ZFX: variants seen among roughly 807,000 people sequenced by gnomAD.
ZFX encodes the protein zinc finger X-chromosomal protein.
For missense variants in ZFX, 362 were observed against 628.3 expected (o/e 0.58, Z 4.53); for synonymous variants, 196 against 226.8 (o/e 0.86, Z 1.22).
chrX:24,207,242 AAAAT>A, intron 5 of ZFX, 80 bp from the exon 6 acceptor site: 1 of 958,391 alleles, frequency 1.0e-6, no homozygotes, highest in Non-Finnish European at 1.4e-6. Context: ...CTCAAAAAAA[AAAAT>A]TTTTTTTTTT....
chrX:24,171,674 G>C (rs186511528), intron 3 of ZFX, among the ~76,000 whole-genome samples: 1 of 111,379 alleles, frequency 9.0e-6, no homozygotes, highest in East Asian at 2.8e-4. Context: ...CTTTTTGTCA[G>C]AAGTTTTTGG....
intron 5 of ZFX, among the ~76,000 whole-genome samples, chrX:24,204,943 A>G (rs1020598840): frequency 8.9e-6 from 1 of 112,353 alleles, no homozygotes; most frequent in African/African-American, 3.2e-5. Flanking sequence ...CCACTTTGCC[A>G]TAAGACTGTA....
At chrX:24,195,363 T>A (rs1936840030) in intron 5 of ZFX, among the ~76,000 whole-genome samples, 1 of 107,283 alleles carries the variant, frequency 9.3e-6, no homozygotes, top group African/African-American at 3.4e-5. Context: ...CAATTTTTTT[T>A]TTTTTTTGAG....
chrX:24,151,516 T>A (rs1462464451), intron 1 of ZFX, 175 bp from the exon 2 acceptor site: 1 of 111,156 alleles, frequency 9.0e-6, no homozygotes, highest in Non-Finnish European at 1.9e-5. Flanking sequence ...GTGGATGGTA[T>A]AGGTAGGGGA....
At chrX:24,192,526 G>T (rs1485641020) in intron 5 of ZFX, among the ~76,000 whole-genome samples, 1 of 111,164 alleles carries the variant, frequency 9.0e-6, no homozygotes, top group Non-Finnish European at 1.9e-5. Context: ...CCTCTTGTTT[G>T]TGCCTCCTAG....
In ZFX at chrX:24,172,584, A is replaced by G. The variant is rs1271929569; in HGVS notation, c.-28-131A>G. The G allele has an allele frequency of 2.4e-5, 10 of 423,248 alleles. No individual in the cohort carries two copies. The East Asian group carries it at 3.4e-4, about 14-fold the overall frequency. The allele number at this position is 423,248 out of a possible 1,213,427, so 34.9% of individuals were successfully genotyped here. The stretch of plus-strand genomic sequence containing the variant: ...TCAAGTAAGTTCTATTTTACTTTAG[A>G]TAAGTAAGTTTTTGATACACATTTA... On this transcript the variant is annotated intron_variant, in intron 3 of 9. Coordinates refer to ENST00000304543, the MANE Select transcript of ZFX (RefSeq NM_003410.4).
rs943473548 is a variant in ZFX at position 24,208,240 on chromosome X, A to G, written c.963A>G (p.Glu321=). The G allele has an allele frequency of 8.3e-7, 1 of 1,212,019 alleles. No homozygotes were observed. Reference sequence around the variant, plus strand: ...TAGATGTTGCTGAAATCGCTGACGAAGTTTATATGGAAGTGATCGTAGGAG... The same window carrying G: ...TAGATGTTGCTGAAATCGCTGACGAGGTTTATATGGAAGTGATCGTAGGAG... The part of the protein sequence containing the change: ...EDLNVAEIAD[E]VYMEVIVGEE... Residue 321 remains glutamate, a synonymous_variant, in exon 8 of 10, where the codon GAA becomes GAG. Coordinates refer to ENST00000304543, the MANE Select transcript of ZFX (RefSeq NM_003410.4).
chrX:24,163,011 G>A (rs1048922281), intron 3 of ZFX, among the ~76,000 whole-genome samples: 12 of 111,266 alleles, frequency 1.1e-4, no homozygotes, highest in African/African-American at 2.3e-4. Context: ...ATGTTTTAGC[G>A]TGTATCCTAT....
chrX:24,175,489 C>A (rs1401278165), intron 4 of ZFX: 1 of 112,143 alleles, frequency 8.9e-6, no homozygotes, highest in Non-Finnish European at 1.9e-5. Context: ...GATGAGGAAA[C>A]TGAAACTCAG....
intron 5 of ZFX, among the ~76,000 whole-genome samples, chrX:24,198,950 CAGAA>C (rs1204855540): frequency 1.8e-5 from 2 of 111,198 alleles, no homozygotes; most frequent in Non-Finnish European, 3.8e-5. Context: ...AGCCATCAGA[CAGAA>C]AGAGATAACC....
rs1383663204 is a variant in ZFX at position 24,216,193 on chromosome X, G to C, written c.*4817G>C. On this transcript the variant is annotated 3_prime_UTR_variant, in exon 10 of 10. Coordinates refer to ENST00000304543, the MANE Select transcript of ZFX (RefSeq NM_003410.4). ...ACTTGTTTGAAGCTGGAGGTGATTC[G>C]ACTCCCTTCAGTGGTTCAACACTAA... The C allele has an allele frequency of 9.0e-6, 1 of 111,264 alleles. No individual in the cohort carries two copies. The highest frequency in any genetic ancestry group is 1.9e-5 in the Non-Finnish European group (1 of 53,046). The allele number at this position is 111,264 out of a possible 1,213,427, so 9.2% of individuals were successfully genotyped here.
intron 4 of ZFX, chrX:24,173,649 C>A: frequency 3.1e-6 from 3 of 968,435 alleles, no homozygotes; most frequent in Non-Finnish European, 4.3e-6. Flanking sequence ...ACAGTGGCGC[C>A]ATCTGGGTCC....
Position 24,207,359 on chromosome X carries a change from C to A in ZFX, c.680C>A (p.Ser227Tyr). The A allele has an allele frequency of 8.3e-7, 1 of 1,202,444 alleles. No homozygotes were observed. ...GCTGGCAAAATAGAACACGATGGTT[C>A]TTCTGGAATGACCATGGACACAGAG... ...DDAGKIEHDG[S>Y]SGMTMDTESE... Residue 227 changes from serine to tyrosine, a missense_variant, in exon 6 of 10, where the codon TCT becomes TAT. Ser to Tyr is a moderately radical substitution (Grantham distance 144). Transcript: ENST00000304543.
Position 24,176,652 on chromosome X carries a change from G to A in ZFX, c.59-2531G>A, listed in dbSNP as rs776970851. 7.3e-5 allele frequency among the ~76,000 whole-genome samples: 8 copies of A among 109,491 alleles called. No individual in the cohort carries two copies. The South Asian group carries it at 3.1e-3, about 43-fold the overall frequency. Reference sequence around the variant, plus strand: ...TCACAATGTTGGCCAGGCTGGTCTCGAACCCTTGACTTCAGGTAATCTGCC... The same window carrying A: ...TCACAATGTTGGCCAGGCTGGTCTCAAACCCTTGACTTCAGGTAATCTGCC... On this transcript the variant is annotated intron_variant, in intron 4 of 9. Transcript: ENST00000304543.
At chrX:24,162,462 TTCA>T (rs1370284029) in intron 3 of ZFX, among the ~76,000 whole-genome samples, 3 of 112,310 alleles carry the variant, frequency 2.7e-5, no homozygotes, top group African/African-American at 9.7e-5. Flanking sequence ...TATCTTCTAT[TTCA>T]TCATCTTACC....
At chrX:24,204,901 C>T (rs901602282) in intron 5 of ZFX, among the ~76,000 whole-genome samples, 7 of 112,161 alleles carry the variant, frequency 6.2e-5, no homozygotes, top group African/African-American at 1.6e-4. Flanking sequence ...ATTATTATTA[C>T]TACATTTAAA....
intron 3 of ZFX, among the ~76,000 whole-genome samples, chrX:24,157,822 G>A (rs759125222): frequency 2.7e-5 from 3 of 111,380 alleles, no homozygotes; most frequent in African/African-American, 6.5e-5. Context: ...GCAGTGGCAC[G>A]ATCTCAGCTC....
intron 3 of ZFX, chrX:24,161,979 T>C (rs1485834493): frequency 9.3e-6 from 1 of 107,809 alleles, no homozygotes; most frequent in Admixed American, 1.0e-4. Context: ...GGATTACAGG[T>C]GTGAGCCATT....
At chrX:24,187,670 C>T (rs1936234739) in intron 5 of ZFX, among the ~76,000 whole-genome samples, 1 of 111,324 alleles carries the variant, frequency 9.0e-6, no homozygotes, top group Non-Finnish European at 1.9e-5. Flanking sequence ...TTACTCTTGC[C>T]AGTGTTGATT....
Sources: allele counts gnomAD v4.1 joint callset (sites outside exome capture counted in the v4.1 genomes callset), GRCh38; gene constraint gnomAD v4.1.1; transcripts MANE v1.5; gene names NCBI Gene and HGNC (gene_info 2026-07-23, HGNC 2026-07-21).